Variants in VEPH1 observed in about 807,000 individuals in gnomAD.
The protein encoded by VEPH1 is ventricular zone-expressed PH domain-containing protein homolog 1.
VEPH1 carries 80 observed loss-of-function variants against 85.2 expected under a neutral mutation model. The ratio of observed to expected loss-of-function variants is 0.94; its 90% CI spans 0.78 to 1.13. VEPH1 has a LOEUF of 1.13. VEPH1 is among the 50% of genes most tolerant of loss of function. The probability of loss-of-function intolerance (pLI) is 0.00; values close to 1 mark genes in which losing one functional copy is unlikely to be tolerated. For synonymous variants in VEPH1, 297 were observed against 348.0 expected (o/e 0.85, Z 1.63); for missense variants, 955 against 980.5 (o/e 0.97, Z 0.35).
intron 9 of VEPH1, among the ~76,000 whole-genome samples, chr3:157,362,245 G>T (rs567870347): frequency 1.3e-5 from 2 of 152,138 alleles, no homozygotes; most frequent in African/African-American, 2.4e-5. Flanking sequence ...TGGCCAGGCT[G>T]CTCTTGAACT....
intron 4 of VEPH1, among the ~76,000 whole-genome samples, chr3:157,430,187 C>T (rs1733035605): frequency 6.6e-6 from 1 of 152,130 alleles, no homozygotes; most frequent in Admixed American, 6.5e-5. Flanking sequence ...CCTTTTCTCC[C>T]CAGAGGCAAC....
chr3:157,463,839 T>C (rs1196157699), intron 3 of VEPH1, among the ~76,000 whole-genome samples: 2 of 152,168 alleles, frequency 1.3e-5, no homozygotes, highest in Non-Finnish European at 2.9e-5. Flanking sequence ...TGTCCACTCA[T>C]GGGCACAAAA....
intron 5 of VEPH1, among the ~76,000 whole-genome samples, chr3:157,427,072 T>C (rs1037530308): frequency 6.6e-6 from 1 of 151,802 alleles, no homozygotes; most frequent in Non-Finnish European, 1.5e-5. Flanking sequence ...ACTGCAACCT[T>C]CGTCTCCCAA....
intron 6 of VEPH1, among the ~76,000 whole-genome samples, chr3:157,409,497 A>T (rs573342848): frequency 6.6e-6 from 1 of 152,160 alleles, no homozygotes; most frequent in African/African-American, 2.4e-5. Flanking sequence ...CAAGCACTAT[A>T]TGATTATTAA....
chr3:157,449,168 CCTTAT>C (rs1364857894), intron 4 of VEPH1, among the ~76,000 whole-genome samples: 11 of 152,152 alleles, frequency 7.2e-5, no homozygotes, highest in Non-Finnish European at 1.5e-4. Flanking sequence ...CAAGTGACAT[CCTTAT>C]CTTATTTTTT....
intron 4 of VEPH1, chr3:157,437,831 C>A: frequency 6.8e-7 from 1 of 1,470,298 alleles, no homozygotes; most frequent in Non-Finnish European, 8.9e-7. Flanking sequence ...CGCGCCCTGG[C>A]CGCGGTGCTA....
chr3:157,315,986 TG>T (rs1720710059), intron 10 of VEPH1: 1 of 152,078 alleles, frequency 6.6e-6, no homozygotes, highest in Non-Finnish European at 1.5e-5. Context: ...CACACCAAAA[TG>T]TGAGTTGTTC....
chr3:157,313,880 C>A, intron 10 of VEPH1, 125 bp from the exon 11 acceptor site: 2 of 1,200,236 alleles, frequency 1.7e-6, no homozygotes, highest in South Asian at 1.6e-5. Flanking sequence ...TTAAATGAAA[C>A]AAGAAAAAGA....
At chr3:157,353,632 CCT>C (rs201394962) in intron 9 of VEPH1, among the ~76,000 whole-genome samples, 36 of 138,152 alleles carry the variant, frequency 2.6e-4, no homozygotes, top group African/African-American at 5.2e-4. Context: ...AAGTTTCCCC[CCT>C]CCCTCCAAAT....
intron 7 of VEPH1, among the ~76,000 whole-genome samples, chr3:157,374,037 A>G (rs1269934043): frequency 6.6e-6 from 1 of 152,154 alleles, no homozygotes; most frequent in Non-Finnish European, 1.5e-5. Flanking sequence ...AGACCTTCAC[A>G]TCACCCTAAA....
At chr3:157,325,060 G>A (rs1721747622) in intron 9 of VEPH1, among the ~76,000 whole-genome samples, 1 of 152,012 alleles carries the variant, frequency 6.6e-6, no homozygotes, top group East Asian at 1.9e-4. Context: ...ATCTAACTGC[G>A]GTTTTGATGT....
intron 3 of VEPH1, among the ~76,000 whole-genome samples, chr3:157,465,361 T>C (rs1194032893): frequency 6.6e-6 from 1 of 152,208 alleles, no homozygotes; most frequent in Non-Finnish European, 1.5e-5. Flanking sequence ...TCCAGTGTTA[T>C]TTTAGTCTCC....
At chr3:157,450,083 G>A (rs1354561099) in intron 4 of VEPH1, among the ~76,000 whole-genome samples, 2 of 135,782 alleles carry the variant, frequency 1.5e-5, no homozygotes, top group Admixed American at 1.5e-4. Flanking sequence ...TGAGACAGGG[G>A]CTTGTTCTGT....
rs576742595 is a variant in VEPH1, at chr3:157,407,146, GA to G, written c.906+6734del. ...GAGTCTAATTAGGGAAGGAAATAAT[GA>G]AAAAGTAAAACCCTCTAAAGTGGAA... On this transcript the variant is annotated intron_variant, in intron 6 of 13. Coordinates refer to ENST00000362010, the MANE Select transcript of VEPH1 (RefSeq NM_001167912.2). 3.3e-5 allele frequency among the ~76,000 whole-genome samples: 5 copies of G among 152,266 alleles called. 1 individual carries two copies. In the South Asian group the frequency reaches 1.0e-3, roughly 32 times the overall value.
intron 7 of VEPH1, among the ~76,000 whole-genome samples, chr3:157,369,635 A>G (rs1483423884): frequency 6.6e-6 from 1 of 152,210 alleles, no homozygotes; most frequent in East Asian, 1.9e-4. Flanking sequence ...GGGAGGTAGG[A>G]CAAATTTCAA....
At chr3:157,294,701 G>A (rs1333921911) in intron 11 of VEPH1, among the ~76,000 whole-genome samples, 3 of 152,170 alleles carry the variant, frequency 2.0e-5, no homozygotes, top group Admixed American at 6.5e-5. Context: ...GTGTCATAGT[G>A]TATTAGTTTA....
chr3:157,338,498 G>A (rs1392798), intron 9 of VEPH1, among the ~76,000 whole-genome samples: 69,923 of 151,960 alleles, frequency 0.46, 17,919 homozygotes, highest in Admixed American at 0.61. Context: ...ATGATTAAAA[G>A]GTGAAGCATC....
rs1319868743 is a variant in VEPH1, at chr3:157,472,526, CTTTTA to C, written c.139-2002_139-1998del. Among the ~76,000 whole-genome samples, 10 of 151,800 alleles carry C rather than the reference CTTTTA, an allele frequency of 6.6e-5. No individual in the cohort carries two copies. The East Asian group carries it at 7.7e-4, about 12-fold the overall frequency. On this transcript the variant is annotated intron_variant, in intron 2 of 13. Transcript: ENST00000362010. ...TGTAAGCTTCAGAATTTTTTTTTAA[CTTTTA>C]TTTTAAGTTCAGGGGTACATGTGCA... is the stretch of plus-strand genomic sequence containing the variant.
Position 157,261,060 on chromosome 3 carries a change from GCT to G in VEPH1, c.*72_*73del. ...AAAACAACATGGCTTGGTAAATTTA[GCT>G]CTTTTTCTTGACATTGGCAATGATA... On this transcript the variant is annotated 3_prime_UTR_variant, in exon 14 of 14. Transcript: ENST00000362010. 6.4e-7 allele frequency: 1 copy of G among 1,559,750 alleles called. No homozygotes were observed. Among genetic ancestry groups the G allele is most frequent in the Non-Finnish European group, 8.7e-7 (1 of 1,152,374 alleles).
Sources: gnomAD v4.1 joint callset for allele counts (sites outside exome capture counted in the v4.1 genomes callset) on GRCh38, gnomAD v4.1.1 for gene constraint, MANE v1.5 for transcripts, NCBI Gene and HGNC (gene_info 2026-07-23, HGNC 2026-07-21) for gene names.